The following FLG variants were observed in gnomAD, a reference collection of about 807,000 sequenced individuals.
FLG encodes the protein epidermal filaggrin.
FLG carries 6 observed loss-of-function variants against 3.8 expected under a neutral mutation model. That is an observed-to-expected ratio of 1.60 (90% CI 0.87 to 3.15). The LOEUF is 3.15. Among genes scored for constraint, FLG ranks in the 30% most tolerant of loss-of-function variants. The pLI, the probability that FLG is intolerant of heterozygous loss-of-function variation, is 0.00. For missense variants in FLG, 7,595 were observed against 5,050.9 expected (o/e 1.50, Z -15.27); for synonymous variants, 2,551 against 1,931.6 (o/e 1.32, Z -8.41).
intron 1 of FLG, among the ~76,000 whole-genome samples, chr1:152,316,605 C>T (rs560027810): frequency 1.6e-4 from 25 of 152,126 alleles, no homozygotes; most frequent in Non-Finnish European, 2.8e-4. Context: ...GTATATGCTT[C>T]TTACAAATGC....
At chr1:152,314,964 G>T (rs1022537019) in intron 2 of FLG, 3 of 555,398 alleles carry the variant, frequency 5.4e-6, no homozygotes, top group Non-Finnish European at 9.3e-6. Context: ...TGGGGTAAGT[G>T]ACTCTTTTTC....
Position 152,312,400 on chromosome 1 carries a change from G to GA in FLG, c.2485dup (p.Ser829PhefsTer35), listed in dbSNP as rs1557880211. ...ACCATCTTGGGATGCTGAGTGCCTG[G>GA]AGTTGTCTCGTGCCTGCTCATGGTG... On this transcript the variant is annotated frameshift_variant, in exon 3 of 3. Coordinates refer to ENST00000368799, the MANE Select transcript of FLG (RefSeq NM_002016.2). LOFTEE classifies it low-confidence loss of function (END_TRUNC). The GA allele has an allele frequency of 6.2e-7, 1 of 1,613,418 alleles. No homozygotes were observed. Among genetic ancestry groups the GA allele is most frequent in the Admixed American group, 1.7e-5 (1 of 59,920 alleles).
At position 152,310,351 on chromosome 1, in the gene FLG, G is replaced by T. The variant is rs199810477; in HGVS notation, c.4535C>A (p.Ser1512Tyr). The change falls in exon 3 of 3, where the codon TCT becomes TAT. Residue 1512 changes from serine (S) to tyrosine (Y), a missense_variant. Transcript: ENST00000368799. ...GSYHEQSVDR[S>Y]GHSGYHHSHT... ...GCTGTGATGGTACCCTGAGTGTCCA[G>T]ACCTATCTACTGATTGCTCGTGGTA... is the stretch of plus-strand genomic sequence containing the variant. The T allele has an allele frequency of 6.2e-7, 1 of 1,613,720 alleles. No homozygotes were observed. The highest frequency in any genetic ancestry group is 8.5e-7 in the Non-Finnish European group (1 of 1,179,982).
At position 152,303,100 on chromosome 1, in the gene FLG, C is replaced by A; in HGVS notation, c.11786G>T (p.Gly3929Val). 2.5e-6 allele frequency: 4 copies of A among 1,614,158 alleles called. No homozygotes were observed. The highest frequency in any genetic ancestry group is 3.4e-6 in the Non-Finnish European group (4 of 1,180,028). Residue 3929 changes from glycine (G) to valine (V), a missense_variant, in exon 3 of 3, where the codon GGT becomes GTT. Physicochemically the swap from Gly to Val is moderately radical, Grantham distance 109. Transcript: ENST00000368799. The part of the protein sequence containing the change: ...QSDSSTAKEH[G>V]HFSSLSQDSA... Reference sequence around the variant, plus strand: ...ATCTTGTGAAAGACTACTAAAGTGACCATGTTCCTTAGCGGTACTAGAGTC... The same window carrying A: ...ATCTTGTGAAAGACTACTAAAGTGAACATGTTCCTTAGCGGTACTAGAGTC...
rs766570371 is a variant in FLG at position 152,305,734 on chromosome 1, C to G, written c.9152G>C (p.Arg3051Pro). 2 of 1,202,216 alleles carry G rather than the reference C, an allele frequency of 1.7e-6. No individual in the cohort carries two copies. The highest frequency in any genetic ancestry group is 2.7e-5 in the East Asian group (1 of 36,932). 74.5% of individuals were successfully genotyped at this position (1,202,216 alleles called of 1,614,324 possible). Residue 3051 changes from arginine (R) to proline (P), a missense_variant, in exon 3 of 3, where the codon CGG (arginine) becomes CCG (proline). Physicochemically the swap from Arg to Pro is moderately radical, Grantham distance 103 (BLOSUM62 -2). Transcript: ENST00000368799. ...QQSHQESARG[R>P]SGETSGHSGS... ...TGAATGTCCAGACGTTTCCCCTGACCGGCCACGTGCGGACTCTTGGTGGCT... is the reference window on the plus strand; with the variant it reads ...TGAATGTCCAGACGTTTCCCCTGACGGGCCACGTGCGGACTCTTGGTGGCT...
In FLG at chr1:152,313,374, G is replaced by A; in HGVS notation, c.1512C>T (p.Ser504=). 2 of 1,613,590 alleles carry A rather than the reference G, an allele frequency of 1.2e-6. No homozygotes were observed. Among genetic ancestry groups the A allele is most frequent in the Non-Finnish European group, 1.7e-6 (2 of 1,179,860 alleles). The change falls in exon 3 of 3, where the codon TCC becomes TCT. Residue 504 remains serine, a synonymous_variant. Coordinates refer to ENST00000368799, the MANE Select transcript of FLG (RefSeq NM_002016.2). ...GSHHEQARDS[S]RHSASQEGQD... ...GACCCTCTTGGGACGCTGAATGCCT[G>A]GAGCTGTCTCGTGCCTGCTCGTGGT...
Position 152,311,323 on chromosome 1 carries a change from G to C in FLG, c.3563C>G (p.Ser1188Cys). ...GCTGTGATGGGACCCTGAGTGTCCA[G>C]ATCTATCTACCGATTGCTCATGGTG... is the stretch of plus-strand genomic sequence containing the variant. ...GSHHEQSVDR[S>C]GHSGSHHSHT... Residue 1188 changes from serine (S) to cysteine (C), a missense_variant, in exon 3 of 3, where the codon TCT becomes TGT. By Grantham distance (112) the Ser-to-Cys change is moderately radical. Transcript: ENST00000368799. The C allele has an allele frequency of 1.2e-6, 2 of 1,613,844 alleles. No individual in the cohort carries two copies. Among genetic ancestry groups the C allele is most frequent in the African/African-American group, 1.3e-5 (1 of 74,924 alleles).
At position 152,304,786 on chromosome 1, in the gene FLG, C is replaced by G; in HGVS notation, c.10100G>C (p.Ser3367Thr). 1 of 1,613,920 alleles carries G rather than the reference C, an allele frequency of 6.2e-7. No homozygotes were observed. Among genetic ancestry groups the G allele is most frequent in the Non-Finnish European group, 8.5e-7 (1 of 1,179,980 alleles). ...CCGGTCACGTGCGGACTCTTGGTGG[C>G]TCTGCTGATGGGGCCCAGCCTGTCC... ...GHGQAGPHQQ[S>T]HQESARDRSG... Residue 3367 changes from serine to threonine, a missense_variant, in exon 3 of 3, where the codon AGC becomes ACC. Ser to Thr is a moderately conservative substitution (Grantham distance 58, BLOSUM62 1). Coordinates refer to ENST00000368799, the MANE Select transcript of FLG (RefSeq NM_002016.2).
chr1:152,306,976 C>T lies in FLG; in HGVS notation c.7910G>A (p.Gly2637Glu), dbSNP rs552153956. 1.3e-6 allele frequency: 2 copies of T among 1,564,016 alleles called. No homozygotes were observed. The highest frequency in any genetic ancestry group is 1.7e-6 in the Non-Finnish European group (2 of 1,150,532). ...GTRHTQTSSG[G>E]QAASSHEQAR... The stretch of plus-strand genomic sequence containing the variant: ...CTGTTCATGGGATGATGCAGCCTGT[C>T]CACCAGAGGAAGTCTGTGTGTGACG... Residue 2637 changes from glycine to glutamate, a missense_variant, in exon 3 of 3, where the codon GGA (glycine) becomes GAA (glutamate). Physicochemically the swap from Gly to Glu is moderately conservative, Grantham distance 98. Coordinates refer to ENST00000368799, the MANE Select transcript of FLG (RefSeq NM_002016.2).
At position 152,310,320 on chromosome 1, in the gene FLG, G is replaced by A. The variant is rs201320426; in HGVS notation, c.4566C>T (p.Thr1522=). 6.2e-7 allele frequency: 1 copy of A among 1,613,842 alleles called. No homozygotes were observed. The highest frequency in any genetic ancestry group is 1.7e-5 in the Admixed American group (1 of 59,980). ...AGGCATCAGACCTTCCCTGGGGTGT[G>A]GTGTGGCTGTGATGGTACCCTGAGT... The part of the protein sequence containing the change: ...SGHSGYHHSH[T]TPQGRSDASH... The change falls in exon 3 of 3, where the codon ACC becomes ACT. Residue 1522 remains threonine (T), a synonymous_variant. Transcript: ENST00000368799.
rs532383089 is a variant in FLG, at chr1:152,304,686, A to G, written c.10200T>C (p.His3400=). 9.9e-6 allele frequency: 16 copies of G among 1,612,400 alleles called. No homozygotes were observed. The highest frequency in any genetic ancestry group is 7.7e-5 in the South Asian group (7 of 90,782). The change falls in exon 3 of 3, where the codon CAT becomes CAC. Residue 3400 remains histidine, a synonymous_variant. Transcript: ENST00000368799. ...GTCCAGTGCTGGTCCTGGTCCGCCCATGGGCAGACTCAGACTGTTCATGAG... is the reference window on the plus strand; with the variant it reads ...GTCCAGTGCTGGTCCTGGTCCGCCCGTGGGCAGACTCAGACTGTTCATGAG... ...VSTHEQSESA[H]GRTRTSTGRR...
In FLG at chr1:152,308,699, C is replaced by A; in HGVS notation, c.6187G>T (p.Gly2063Ter). The A allele has an allele frequency of 6.2e-7, 1 of 1,614,112 alleles. No homozygotes were observed. Among genetic ancestry groups the A allele is most frequent in the Admixed American group, 1.7e-5 (1 of 60,026 alleles). ...DSDTQSVSAQ[G>*]KAGPHQQSHK... Reference sequence around the variant, plus strand: ...CTCTGCTGATGGGGCCCAGCTTTTCCCTGTGCTGACACTGACTGTGTGTCT... The same window carrying A: ...CTCTGCTGATGGGGCCCAGCTTTTCACTGTGCTGACACTGACTGTGTGTCT... The change falls in exon 3 of 3, where the codon GGA (glycine) becomes TGA (stop). Residue 2063 changes from glycine (G) to a stop codon, truncating the protein, a stop_gained. Coordinates refer to ENST00000368799, the MANE Select transcript of FLG (RefSeq NM_002016.2). LOFTEE classifies it low-confidence loss of function (END_TRUNC).
In FLG at chr1:152,304,887, C is replaced by A. The variant is rs762663523; in HGVS notation, c.9999G>T (p.Trp3333Cys). 2 of 1,613,574 alleles carry A rather than the reference C, an allele frequency of 1.2e-6. No individual in the cohort carries two copies. The highest frequency in any genetic ancestry group is 1.7e-5 in the Admixed American group (1 of 59,944). The change falls in exon 3 of 3, where the codon TGG becomes TGT. Residue 3333 changes from tryptophan to cysteine, a missense_variant. Trp to Cys is a radical substitution (Grantham distance 215). Coordinates refer to ENST00000368799, the MANE Select transcript of FLG (RefSeq NM_002016.2). The stretch of plus-strand genomic sequence containing the variant: ...CACTGGCCTGACTACCACTGGACCC[C>A]CAGTGTCTACTGTCTCTGACTGCAG... ...ASSAVRDSRHWGSSGSQASDS... is the reference protein window; with the variant it reads ...ASSAVRDSRHCGSSGSQASDS...
rs1356215011 is a variant in FLG at position 152,306,086 on chromosome 1, G to A, written c.8800C>T (p.Gln2934Ter). The part of the protein sequence containing the change: ...RDGSRHPRSH[Q>*]EDRAGHGHSA... ...TGCCCATGACCAGCTCTGTCTTCTTGATGGGACCTGGGGTGTCTGGAGCCA... is the reference window on the plus strand; with the variant it reads ...TGCCCATGACCAGCTCTGTCTTCTTAATGGGACCTGGGGTGTCTGGAGCCA... The change falls in exon 3 of 3, where the codon CAA (glutamine) becomes TAA (stop). Residue 2934 changes from glutamine (Q) to a stop codon, truncating the protein, a stop_gained. Transcript: ENST00000368799. LOFTEE classifies it low-confidence loss of function (END_TRUNC). The A allele has an allele frequency of 6.3e-7, 1 of 1,598,356 alleles. No individual in the cohort carries two copies. The highest frequency in any genetic ancestry group is 8.5e-7 in the Non-Finnish European group (1 of 1,179,940).
rs200304850 is a variant in FLG at position 152,310,869 on chromosome 1, A to G, written c.4017T>C (p.His1339=). ...GTTCATGGGATGACACAGCCTGTCC[A>G]TGAGAGGAAGACTCTGTGTGATGAG... ...SGTHHTESSS[H]GQAVSSHEQA... The change falls in exon 3 of 3, where the codon CAT becomes CAC. Residue 1339 remains histidine (H), a synonymous_variant. Coordinates refer to ENST00000368799, the MANE Select transcript of FLG (RefSeq NM_002016.2). 83 of 1,613,934 alleles carry G rather than the reference A, an allele frequency of 5.1e-5. 1 individual carries two copies. In the East Asian group the frequency reaches 1.8e-3, roughly 34 times the overall value.
In FLG at chr1:152,304,875, A is replaced by G. The variant is rs779299690; in HGVS notation, c.10011T>C (p.Gly3337=). Residue 3337 remains glycine (G), a synonymous_variant, in exon 3 of 3, where the codon GGT becomes GGC. Coordinates refer to ENST00000368799, the MANE Select transcript of FLG (RefSeq NM_002016.2). ...GTCCCTCACTATCACTGGCCTGACT[A>G]CCACTGGACCCCCAGTGTCTACTGT... ...VRDSRHWGSS[G]SQASDSEGHS... is the part of the protein sequence containing the mutation. 6.2e-7 allele frequency: 1 copy of G among 1,613,358 alleles called. No individual in the cohort carries two copies. The highest frequency in any genetic ancestry group is 2.2e-5 in the East Asian group (1 of 44,760).
rs1652262939 is a variant in FLG at position 152,309,828 on chromosome 1, C to T, written c.5058G>A (p.Gln1686=). The T allele has an allele frequency of 3.1e-6, 5 of 1,614,094 alleles. No homozygotes were observed. Among genetic ancestry groups the T allele is most frequent in the Non-Finnish European group, 1.7e-6 (2 of 1,180,022 alleles). The change falls in exon 3 of 3, where the codon CAG becomes CAA. Residue 1686 remains glutamine, a synonymous_variant. Transcript: ENST00000368799. ...SPGERHGSRH[Q]QSADSSTDSG... is the part of the protein sequence containing the mutation. ...AGTCTGTGGAGCTGTCTGCTGACTGCTGGTGGCGGGATCCATGTCTTTCTC... is the reference window on the plus strand; with the variant it reads ...AGTCTGTGGAGCTGTCTGCTGACTGTTGGTGGCGGGATCCATGTCTTTCTC...
In FLG at chr1:152,304,708, T is replaced by C. The variant is rs146234375; in HGVS notation, c.10178A>G (p.His3393Arg). 9.8e-4 allele frequency: 1,576 copies of C among 1,613,384 alleles called. 10 individuals carry two copies. The highest frequency in any genetic ancestry group is 4.4e-3 in the South Asian group (401 of 90,942). ...SGSFLYQVST[H>R]EQSESAHGRT... is the part of the protein sequence containing the mutation. ...CCCATGGGCAGACTCAGACTGTTCA[T>C]GAGTGCTCACCTGGTAGAGGAAAGA... Residue 3393 changes from histidine (H) to arginine (R), a missense_variant, in exon 3 of 3, where the codon CAT becomes CGT. His to Arg is a conservative substitution (Grantham distance 29). Coordinates refer to ENST00000368799, the MANE Select transcript of FLG (RefSeq NM_002016.2).
rs747105540 is a variant in FLG at position 152,312,266 on chromosome 1, T to C, written c.2620A>G (p.Thr874Ala). The stretch of plus-strand genomic sequence containing the variant: ...GCATCAGACCTTCCCTGGGATGTGG[T>C]GTGGCTGTGATGGGACCCTGAGTGT... ...SGHSGSHHSH[T>A]TSQGRSDASR... Residue 874 changes from threonine to alanine, a missense_variant, in exon 3 of 3, where the codon ACC (threonine) becomes GCC (alanine). By Grantham distance (58) the Thr-to-Ala change is moderately conservative. Coordinates refer to ENST00000368799, the MANE Select transcript of FLG (RefSeq NM_002016.2). 7 of 1,613,698 alleles carry C rather than the reference T, an allele frequency of 4.3e-6. No individual in the cohort carries two copies. The Admixed American group carries it at 5.0e-5, about 12-fold the overall frequency.
Sources: allele counts gnomAD v4.1 joint callset (sites outside exome capture counted in the v4.1 genomes callset), GRCh38; gene constraint gnomAD v4.1.1; transcripts MANE v1.5; gene names NCBI Gene and HGNC (gene_info 2026-07-23, HGNC 2026-07-21).